The following SNTG2 variants were observed in gnomAD, a reference collection of about 807,000 sequenced individuals.
The protein encoded by SNTG2 is gamma-2-syntrophin.
Under a neutral mutation model 70.9 loss-of-function variants are expected in SNTG2, and 74 were observed. That is an observed-to-expected ratio of 1.04 (90% CI 0.86 to 1.27). The LOEUF is 1.27. Ranked by LOEUF, SNTG2 falls within the 50% of genes most tolerant of loss-of-function variation. The probability of loss-of-function intolerance (pLI) is 0.00; values close to 1 mark genes in which losing one functional copy is unlikely to be tolerated. For missense variants in SNTG2, 717 were observed against 690.7 expected (o/e 1.04, Z -0.43); for synonymous variants, 278 against 273.8 (o/e 1.02, Z -0.15).
chr2:1,023,724 G>A (rs947514438), intron 1 of SNTG2, among the ~76,000 whole-genome samples: 4 of 152,116 alleles, frequency 2.6e-5, no homozygotes, highest in African/African-American at 4.8e-5. Flanking sequence ...TGCACCCCGC[G>A]TAGTCTGGGG....
chr2:1,167,992 G>C (rs1202673650), intron 7 of SNTG2, among the ~76,000 whole-genome samples: 4 of 131,382 alleles, frequency 3.0e-5, no homozygotes, highest in African/African-American at 1.2e-4. Flanking sequence ...CCTACAGGCC[G>C]CCCACAGACG....
At chr2:1,284,172 A>G (rs1679673799) in intron 14 of SNTG2, among the ~76,000 whole-genome samples, 1 of 152,208 alleles carries the variant, frequency 6.6e-6, no homozygotes, top group Non-Finnish European at 1.5e-5. Flanking sequence ...GATTGGAACT[A>G]AGAGCGCTGG....
At chr2:1,348,915 G>T (rs1480545071) in intron 16 of SNTG2, among the ~76,000 whole-genome samples, 2 of 152,136 alleles carry the variant, frequency 1.3e-5, no homozygotes, top group African/African-American at 2.4e-5. Flanking sequence ...AAATAATCTT[G>T]TTATAGCCCA....
At chr2:1,208,339 T>TGTGAGTGTGGGGCACACCG (rs145603792) in intron 8 of SNTG2, among the ~76,000 whole-genome samples, 1 of 151,548 alleles carries the variant, frequency 6.6e-6, no homozygotes, top group African/African-American at 2.4e-5. Flanking sequence ...GGGGCACACC[T>TGTGAGTGTGGGGCACACCG]GTGAGGCGCG....
chr2:1,005,633 G>A lies in SNTG2; in HGVS notation c.72+54565G>A, dbSNP rs558791053. On this transcript the variant is annotated intron_variant, in intron 1 of 16. Coordinates refer to ENST00000308624, the MANE Select transcript of SNTG2 (RefSeq NM_018968.4). ...ACTCTGACCAACATGGAGAAACCTC[G>A]TCTCCACTAACAGTACAAAAATTAG... Among the ~76,000 whole-genome samples, 532 of 151,004 alleles carry A rather than the reference G, an allele frequency of 3.5e-3. 5 individuals are homozygous for A. The highest frequency in any genetic ancestry group is 0.011 in the African/African-American group (452 of 41,168).
intron 4 of SNTG2, among the ~76,000 whole-genome samples, chr2:1,125,761 C>T (rs1271617578): frequency 6.6e-6 from 1 of 152,028 alleles, no homozygotes; most frequent in African/African-American, 2.4e-5. Context: ...AAAAGTAACA[C>T]ATTAGATCAG....
At chr2:1,269,223 T>A (rs1678896953) in intron 14 of SNTG2, among the ~76,000 whole-genome samples, 1 of 152,074 alleles carries the variant, frequency 6.6e-6, no homozygotes, top group Non-Finnish European at 1.5e-5. Flanking sequence ...GGGGGTGAAG[T>A]CTGCGCACGG....
intron 12 of SNTG2, among the ~76,000 whole-genome samples, chr2:1,253,689 A>G (rs1232230825): frequency 6.6e-6 from 1 of 152,184 alleles, no homozygotes; most frequent in Non-Finnish European, 1.5e-5. Context: ...ACATTGCTCT[A>G]AAGAAATGCC....
chr2:1,299,963 G>T (rs1488471705), intron 14 of SNTG2, among the ~76,000 whole-genome samples: 1 of 121,718 alleles, frequency 8.2e-6, no homozygotes, highest in Admixed American at 8.7e-5. Flanking sequence ...TGCAAGAAGG[G>T]TGCCTTAAAT....
chr2:1,205,736 GT>G (rs1302092202), intron 8 of SNTG2, among the ~76,000 whole-genome samples: 2 of 152,120 alleles, frequency 1.3e-5, no homozygotes, highest in Non-Finnish European at 2.9e-5. Flanking sequence ...TGTGGCTTGC[GT>G]TTTTGGTTAT....
chr2:1,049,703 T>C (rs1271579441), intron 1 of SNTG2, among the ~76,000 whole-genome samples: 1 of 152,228 alleles, frequency 6.6e-6, no homozygotes, highest in Non-Finnish European at 1.5e-5. Flanking sequence ...TGTTTAGTTT[T>C]GTGAGAGACT....
intron 1 of SNTG2, among the ~76,000 whole-genome samples, chr2:1,056,876 CGCTGT>C (rs534688849): frequency 4.3e-5 from 4 of 92,910 alleles, no homozygotes; most frequent in African/African-American, 9.5e-5. Context: ...CACGGCGCCC[CGCTGT>C]GCTGTGGGGA....
intron 8 of SNTG2, among the ~76,000 whole-genome samples, chr2:1,180,841 G>A (rs1008841944): frequency 2.6e-5 from 4 of 151,956 alleles, no homozygotes; most frequent in Admixed American, 2.0e-4. Flanking sequence ...ATGATAGACT[G>A]GATTAAGAAA....
chr2:976,610 C>G (rs1311972069), intron 1 of SNTG2, among the ~76,000 whole-genome samples: 4 of 152,182 alleles, frequency 2.6e-5, no homozygotes, highest in Non-Finnish European at 5.9e-5. Flanking sequence ...TCAAGGTTTG[C>G]TTAAAGCTAA....
intron 4 of SNTG2, among the ~76,000 whole-genome samples, chr2:1,117,925 C>T (rs1667140071): frequency 6.6e-6 from 1 of 152,204 alleles, no homozygotes; most frequent in East Asian, 1.9e-4. Context: ...TCCAGGATTG[C>T]AGCTGTGCCC....
At chr2:1,250,434 T>C (rs1228021104) in intron 12 of SNTG2, among the ~76,000 whole-genome samples, 1 of 152,134 alleles carries the variant, frequency 6.6e-6, no homozygotes, top group Non-Finnish European at 1.5e-5. Context: ...TCTCTCTTTC[T>C]CCACCTGTCA....
At chr2:984,307 T>C (rs1661232836) in intron 1 of SNTG2, among the ~76,000 whole-genome samples, 1 of 148,920 alleles carries the variant, frequency 6.7e-6, no homozygotes, top group Non-Finnish European at 1.5e-5. Context: ...TTAATTAAGA[T>C]AAAATGAAAA....
chr2:1,299,471 T>C (rs189951062), intron 14 of SNTG2, among the ~76,000 whole-genome samples: 235 of 152,210 alleles, frequency 1.5e-3, no homozygotes, highest in African/African-American at 5.2e-3. Context: ...CCAGCTTCCA[T>C]CCCTGTCTCC....
chr2:1,018,679 A>G (rs372121565), intron 1 of SNTG2, among the ~76,000 whole-genome samples: 1 of 152,240 alleles, frequency 6.6e-6, no homozygotes, highest in African/African-American at 2.4e-5. Context: ...CTGCAGGGAA[A>G]TATTCACAGC....
Sources: allele counts gnomAD v4.1 joint callset (sites outside exome capture counted in the v4.1 genomes callset), GRCh38; gene constraint gnomAD v4.1.1; transcripts MANE v1.5; gene names NCBI Gene and HGNC (gene_info 2026-07-23, HGNC 2026-07-21).